The following CNTN3 variants were observed in gnomAD, a reference collection of about 807,000 sequenced individuals.
CNTN3 encodes contactin 3.
A neutral mutation model predicts 119.1 loss-of-function variants in CNTN3; 60 were observed. The ratio of observed to expected loss-of-function variants is 0.50; its 90% CI spans 0.41 to 0.62. The LOEUF is 0.62. Ranked by LOEUF, CNTN3 falls within the 20% of genes least tolerant of loss-of-function variation. The probability of loss-of-function intolerance (pLI) is 0.00; values close to 1 mark genes in which losing one functional copy is unlikely to be tolerated. For missense variants in CNTN3, 1,101 were observed against 1,242.4 expected (o/e 0.89, Z 1.71); for synonymous variants, 450 against 438.7 (o/e 1.03, Z -0.32).
At chr3:74,409,390 A>G (rs191358445) in intron 5 of CNTN3, among the ~76,000 whole-genome samples, 1 of 152,340 alleles carries the variant, frequency 6.6e-6, no homozygotes, top group East Asian at 1.9e-4. Flanking sequence ...TTTCATGATC[A>G]GCATATAAAA....
chr3:74,473,984 G>A (rs7635421), intron 4 of CNTN3, among the ~76,000 whole-genome samples: 20,081 of 152,128 alleles, frequency 0.13, 1,631 homozygotes, highest in East Asian at 0.44. Context: ...GGGAGGTATC[G>A]ATATGTTCAG....
At chr3:74,383,482 TTTTTC>T (rs1282477907) in intron 5 of CNTN3, among the ~76,000 whole-genome samples, 12 of 152,064 alleles carry the variant, frequency 7.9e-5, no homozygotes, top group Admixed American at 4.6e-4. Flanking sequence ...ATCTCAGATT[TTTTTC>T]TTTTCTTTTG....
chr3:74,559,326 G>C (rs200076609), intron 1 of CNTN3, among the ~76,000 whole-genome samples: 1 of 152,058 alleles, frequency 6.6e-6, no homozygotes, highest in South Asian at 2.1e-4. Flanking sequence ...GTGGTTTTTC[G>C]GTACTAACAA....
intron 4 of CNTN3, among the ~76,000 whole-genome samples, chr3:74,481,391 A>AT (rs1187369812): frequency 2.0e-5 from 3 of 151,906 alleles, no homozygotes; most frequent in African/African-American, 7.2e-5. Context: ...AAGAATTAAT[A>AT]TCTTACAGTC....
At chr3:74,404,871 AC>A (rs1481042495) in intron 5 of CNTN3, among the ~76,000 whole-genome samples, 1 of 152,022 alleles carries the variant, frequency 6.6e-6, no homozygotes, top group Non-Finnish European at 1.5e-5. Flanking sequence ...CTTCAAGAGC[AC>A]CAGTGGTAGG....
intron 13 of CNTN3, among the ~76,000 whole-genome samples, chr3:74,328,739 T>A (rs1251905071): frequency 6.6e-6 from 1 of 152,170 alleles, no homozygotes; most frequent in Non-Finnish European, 1.5e-5. Flanking sequence ...CAGTTTTGTG[T>A]ATTACCCCCT....
chr3:74,328,651 A>G (rs1703186737), intron 13 of CNTN3, among the ~76,000 whole-genome samples: 1 of 152,202 alleles, frequency 6.6e-6, no homozygotes, highest in Non-Finnish European at 1.5e-5. Flanking sequence ...TTGGACATCA[A>G]TCACACTTTA....
rs377496540 is a variant in CNTN3, at chr3:74,584,681, G to A, written c.-81+29710C>T. ...TCAAAGCAATGCAAAAACAGACTAA[G>A]ACATCTTGTTTCACATAAGGTCTGC... is the stretch of plus-strand genomic sequence containing the variant. On this transcript the variant is annotated intron_variant, in intron 1 of 22. Transcript: ENST00000263665. Among the ~76,000 whole-genome samples, 16 of 152,216 alleles carry A rather than the reference G, an allele frequency of 1.1e-4. No homozygotes were observed. In the South Asian group the frequency reaches 3.3e-3, roughly 32 times the overall value.
At chr3:74,293,440 T>C (rs1702274716) in intron 19 of CNTN3, among the ~76,000 whole-genome samples, 1 of 152,176 alleles carries the variant, frequency 6.6e-6, no homozygotes. Flanking sequence ...AGTCATATGA[T>C]AACTGAATGA....
chr3:74,349,236 G>A (rs888619631), intron 11 of CNTN3, among the ~76,000 whole-genome samples: 12 of 152,184 alleles, frequency 7.9e-5, no homozygotes, highest in Non-Finnish European at 4.4e-5. Flanking sequence ...CAGGGATAAG[G>A]TGAAGGCTTT....
At chr3:74,530,781 G>T (rs1342017018) in intron 1 of CNTN3, among the ~76,000 whole-genome samples, 1 of 151,912 alleles carries the variant, frequency 6.6e-6, no homozygotes, top group Non-Finnish European at 1.5e-5. Context: ...CTGGACTTGT[G>T]GGGGCTGAGA....
intron 11 of CNTN3, among the ~76,000 whole-genome samples, chr3:74,344,708 C>A (rs1221085031): frequency 6.6e-6 from 1 of 152,156 alleles, no homozygotes; most frequent in Non-Finnish European, 1.5e-5. Context: ...ATCCGCCCGC[C>A]TCGGCCTCCC....
chr3:74,544,368 C>T (rs776693422), intron 1 of CNTN3, among the ~76,000 whole-genome samples: 2 of 152,266 alleles, frequency 1.3e-5, no homozygotes, highest in African/African-American at 4.8e-5. Flanking sequence ...ACTGAACACA[C>T]GTCAGAATGT....
At position 74,498,479 on chromosome 3, in the gene CNTN3, C is replaced by A. The variant is rs139366041; in HGVS notation, c.182+1180G>T. On this transcript the variant is annotated intron_variant, in intron 3 of 22. Transcript: ENST00000263665. ...CATCTTTGCCAACTCTAATCAGTAA[C>A]CTGGAATTATAATGCTTATTTTGTT... Among the ~76,000 whole-genome samples the A allele has an allele frequency of 6.9e-3, 1,048 of 151,780 alleles. 11 individuals are homozygous for A. Among genetic ancestry groups the A allele is most frequent in the African/African-American group, 0.023 (961 of 41,466 alleles).
intron 1 of CNTN3, among the ~76,000 whole-genome samples, chr3:74,538,786 T>C (rs543070790): frequency 6.6e-6 from 1 of 152,214 alleles, no homozygotes; most frequent in South Asian, 2.1e-4. Flanking sequence ...CTGCTGTTTT[T>C]ATAGAGACTC....
rs1261028757 is a variant in CNTN3, at chr3:74,369,965, T to C, written c.685A>G (p.Ile229Val). The stretch of plus-strand genomic sequence containing the variant: ...AGAGTTTCTGGAAACTGAACTTCTA[T>C]TTTAGGTTCATATTCACCCATCACA... ...DGVMGEYEPK[I>V]EVQFPETLPA... is the part of the protein sequence containing the mutation. The change falls in exon 7 of 23, where the codon ATA becomes GTA. Residue 229 changes from isoleucine (I) to valine (V), a missense_variant. Coordinates refer to ENST00000263665, the MANE Select transcript of CNTN3 (RefSeq NM_020872.3). The C allele has an allele frequency of 1.9e-6, 3 of 1,599,280 alleles. No homozygotes were observed. Among genetic ancestry groups the C allele is most frequent in the East Asian group, 4.5e-5 (2 of 44,554 alleles).
intron 1 of CNTN3, among the ~76,000 whole-genome samples, chr3:74,594,203 T>C (rs2106691928): frequency 6.6e-6 from 1 of 151,876 alleles, no homozygotes; most frequent in South Asian, 2.1e-4. Flanking sequence ...AATGGACAAT[T>C]CCACCAGTCT....
At chr3:74,449,489 T>C (rs1039102975) in intron 4 of CNTN3, among the ~76,000 whole-genome samples, 1 of 152,064 alleles carries the variant, frequency 6.6e-6, no homozygotes, top group Non-Finnish European at 1.5e-5. Context: ...ATGTTTCAAG[T>C]GCAAATTTCC....
chr3:74,428,197 C>T (rs1485727481), intron 4 of CNTN3, among the ~76,000 whole-genome samples: 1 of 151,670 alleles, frequency 6.6e-6, no homozygotes, highest in East Asian at 1.9e-4. Flanking sequence ...TACTAAATAA[C>T]TGTTACGGGT....
Sources: gnomAD v4.1 joint callset for allele counts (sites outside exome capture counted in the v4.1 genomes callset) on GRCh38, gnomAD v4.1.1 for gene constraint, MANE v1.5 for transcripts, NCBI Gene and HGNC (gene_info 2026-07-23, HGNC 2026-07-21) for gene names.